The following RAPGEF4 variants were observed in gnomAD, a reference collection of about 807,000 sequenced individuals.
RAPGEF4 encodes the protein RAP guanine-nucleotide-exchange factor (GEF) 4.
Under a neutral mutation model 147.9 loss-of-function variants are expected in RAPGEF4, and 66 were observed. The observed-to-expected ratio is 0.45, with a 90% CI of 0.37 to 0.55. The LOEUF is 0.55. Among genes scored for constraint, RAPGEF4 ranks in the 20% least tolerant of loss-of-function variants. The pLI, the probability that RAPGEF4 is intolerant of heterozygous loss-of-function variation, is 0.00. For missense variants in RAPGEF4, 1,071 were observed against 1,257.3 expected, an observed-to-expected ratio of 0.85 and a Z score of 2.24; for synonymous variants, 419 against 442.7, an observed-to-expected ratio of 0.95 and a Z score of 0.67.
At chr2:172,906,735 G>A (rs1321161623) in intron 4 of RAPGEF4, among the ~76,000 whole-genome samples, 1 of 152,200 alleles carries the variant, frequency 6.6e-6, no homozygotes, top group Admixed American at 6.5e-5. Context: ...CTCACAGAGT[G>A]CCAGGAAGGC....
intron 6 of RAPGEF4, among the ~76,000 whole-genome samples, chr2:172,953,481 A>T (rs1308281812): frequency 6.6e-6 from 1 of 151,636 alleles, no homozygotes; most frequent in African/African-American, 2.4e-5. Context: ...CCAACCAAAT[A>T]ACTCTCTAGA....
chr2:173,015,303 T>C (rs1460088406), intron 18 of RAPGEF4, among the ~76,000 whole-genome samples: 2 of 152,192 alleles, frequency 1.3e-5, no homozygotes, highest in Non-Finnish European at 2.9e-5. Context: ...TAGCCCCAAA[T>C]TACAGCACTG....
At chr2:172,875,087 T>C (rs1303816331) in intron 4 of RAPGEF4, among the ~76,000 whole-genome samples, 2 of 152,234 alleles carry the variant, frequency 1.3e-5, no homozygotes, top group East Asian at 3.8e-4. Flanking sequence ...CACTTTTTGA[T>C]GGGGTTGTTT....
chr2:172,872,661 G>A (rs550740827), intron 4 of RAPGEF4, among the ~76,000 whole-genome samples: 16 of 151,988 alleles, frequency 1.1e-4, no homozygotes, highest in South Asian at 4.2e-4. Flanking sequence ...TTCCCCCCTC[G>A]CTCCCTCTCT....
intron 29 of RAPGEF4, among the ~76,000 whole-genome samples, chr2:173,044,795 C>A (rs545602474): frequency 6.6e-6 from 1 of 152,154 alleles, no homozygotes; most frequent in Non-Finnish European, 1.5e-5. Flanking sequence ...CACATTTACT[C>A]CTGAATTACC....
At chr2:172,792,598 C>T (rs553113658) in intron 1 of RAPGEF4, among the ~76,000 whole-genome samples, 39 of 152,192 alleles carry the variant, frequency 2.6e-4, no homozygotes, top group African/African-American at 9.4e-4. Context: ...TTTCTTGGGC[C>T]TAAAAGTGTG....
At chr2:173,010,692 A>G (rs1694918594) in intron 17 of RAPGEF4, among the ~76,000 whole-genome samples, 1 of 152,220 alleles carries the variant, frequency 6.6e-6, no homozygotes, top group South Asian at 2.1e-4. Context: ...CAAACTTTCT[A>G]AAAGCCTGGG....
chr2:172,978,214 C>T, intron 10 of RAPGEF4, among the ~76,000 whole-genome samples: 1 of 152,158 alleles, frequency 6.6e-6, no homozygotes. Flanking sequence ...CCCAGAGCTT[C>T]CCCTGGAAAT....
chr2:172,793,555 A>G (rs751124997), intron 1 of RAPGEF4, among the ~76,000 whole-genome samples: 15 of 152,204 alleles, frequency 9.9e-5, no homozygotes, highest in Non-Finnish European at 1.6e-4. Context: ...ATCCTCATCC[A>G]GTTCGTTTCC....
rs982376474 is a variant in RAPGEF4 at position 172,983,517 on chromosome 2, T to C, written c.1026T>C (p.Asp342=). 1.9e-6 allele frequency: 3 copies of C among 1,612,806 alleles called. No individual in the cohort carries two copies. Among genetic ancestry groups the C allele is most frequent in the Non-Finnish European group, 2.5e-6 (3 of 1,179,860 alleles). ...LRKPPGQRTV[D]DLEIIYEELL... Reference sequence around the variant, plus strand: ...GTAGACCTGGCCAGAGGACTGTGGATGACCTAGAGATTATCTATGAGGAGC... The same window carrying C: ...GTAGACCTGGCCAGAGGACTGTGGACGACCTAGAGATTATCTATGAGGAGC... The change falls in exon 11 of 31, where the codon GAT becomes GAC. Residue 342 remains aspartate (D), a synonymous_variant. Coordinates refer to ENST00000397081, the MANE Select transcript of RAPGEF4 (RefSeq NM_007023.4).
In RAPGEF4 at chr2:173,023,120, C is replaced by T. The variant is rs537978251; in HGVS notation, c.2253+2405C>T. Among the ~76,000 whole-genome samples, 53 of 152,296 alleles carry T rather than the reference C, an allele frequency of 3.5e-4. No individual in the cohort carries two copies. In the South Asian group the frequency reaches 4.8e-3, roughly 14 times the overall value. On this transcript the variant is annotated intron_variant, in intron 23 of 30. Transcript: ENST00000397081. ...CAGCAAGGGCCATAGCAGAGCTAGA[C>T]ACAGAGGGTGTGGGCACACGAGGAA... is the stretch of plus-strand genomic sequence containing the variant.
intron 4 of RAPGEF4, among the ~76,000 whole-genome samples, chr2:172,879,539 C>T (rs1199244794): frequency 6.6e-6 from 1 of 152,062 alleles, no homozygotes; most frequent in South Asian, 2.1e-4. Context: ...ATCTCTATTA[C>T]AATAAGGATG....
At chr2:173,048,333 G>GT in intron 29 of RAPGEF4, 2 of 592,984 alleles carry the variant, frequency 3.4e-6, no homozygotes, top group South Asian at 5.5e-5. Context: ...CATGATAGAT[G>GT]TTTTTTACAT....
At chr2:172,966,472 G>A (rs1252765840) in intron 9 of RAPGEF4, among the ~76,000 whole-genome samples, 2 of 152,146 alleles carry the variant, frequency 1.3e-5, no homozygotes, top group African/African-American at 4.8e-5. Context: ...AGATGCTGCT[G>A]CTGCTGCTCC....
chr2:172,918,070 T>TG, intron 5 of RAPGEF4, 196 bp downstream of exon 5: 1 of 735,554 alleles, frequency 1.4e-6, no homozygotes, highest in Non-Finnish European at 2.5e-6. Flanking sequence ...TGGTCTTAGC[T>TG]GATAGAGAGA....
chr2:173,014,400 C>T (rs1235779656), intron 17 of RAPGEF4, 64 bp from the exon 18 acceptor site: 117 of 1,600,624 alleles, frequency 7.3e-5, no homozygotes, highest in Non-Finnish European at 9.4e-5. Flanking sequence ...TCACTCTTTA[C>T]CTTTGAAAGT....
intron 16 of RAPGEF4, among the ~76,000 whole-genome samples, chr2:172,997,883 TA>T (rs1275327461): frequency 6.6e-6 from 1 of 152,248 alleles, no homozygotes; most frequent in African/African-American, 2.4e-5. Flanking sequence ...ATTCTTATTT[TA>T]TCTTCTCATT....
intron 3 of RAPGEF4, among the ~76,000 whole-genome samples, chr2:172,803,879 G>A (rs967577562): frequency 2.0e-5 from 3 of 152,082 alleles, no homozygotes; most frequent in Admixed American, 6.5e-5. Flanking sequence ...GGGATAAAAC[G>A]CCACCAGTGT....
chr2:172,903,708 G>C (rs948372356), intron 4 of RAPGEF4, among the ~76,000 whole-genome samples: 1 of 848 alleles, frequency 1.2e-3, no homozygotes. Flanking sequence ...TATGGATACT[G>C]TATGCCCCCC....
Sources: gnomAD v4.1 joint callset for allele counts (sites outside exome capture counted in the v4.1 genomes callset) on GRCh38, gnomAD v4.1.1 for gene constraint, MANE v1.5 for transcripts, NCBI Gene and HGNC (gene_info 2026-07-23, HGNC 2026-07-21) for gene names.